Variants in APOH observed in about 807,000 individuals in gnomAD.
APOH encodes the protein apolipoprotein H.
A neutral mutation model predicts 39.8 loss-of-function variants in APOH; 48 were observed. That is an observed-to-expected ratio of 1.21 (90% CI 0.96 to 1.54). The LOEUF (loss-of-function observed/expected upper bound fraction) is 1.54. APOH is among the 40% of genes most tolerant of loss of function. APOH has a pLI of 0.00. For missense variants in APOH, 415 were observed against 421.2 expected (o/e 0.99, Z 0.13); for synonymous variants, 153 against 151.1 (o/e 1.01, Z -0.09).
At position 66,216,895 on chromosome 17, in the gene APOH, T is replaced by G. The variant is rs765421555; in HGVS notation, c.677A>C (p.Tyr226Ser). The change falls in exon 6 of 8, where the codon TAC (tyrosine) becomes TCC (serine). Residue 226 changes from tyrosine (Y) to serine (S), a missense_variant. Coordinates refer to ENST00000205948, the MANE Select transcript of APOH (RefSeq NM_000042.3). ...VNYPAKPTLY[Y>S]KDKATFGCHD... is the part of the protein sequence containing the mutation. Reference sequence around the variant, plus strand: ...GCAGCCAAATGTGGCTTTATCCTTGTAATAAAGTGTTGGTTTTGCAGGATA... The same window carrying G: ...GCAGCCAAATGTGGCTTTATCCTTGGAATAAAGTGTTGGTTTTGCAGGATA... 6.2e-7 allele frequency: 1 copy of G among 1,613,346 alleles called. No homozygotes were observed. The highest frequency in any genetic ancestry group is 8.5e-7 in the Non-Finnish European group (1 of 1,179,698).
At position 66,212,119 on chromosome 17, in the gene APOH, A is replaced by C. The variant is rs1362510568; in HGVS notation, c.*14T>G. The C allele has an allele frequency of 1.2e-6, 2 of 1,609,580 alleles. No individual in the cohort carries two copies. The highest frequency in any genetic ancestry group is 4.5e-5 in the East Asian group (2 of 44,836). On this transcript the variant is annotated 3_prime_UTR_variant, in exon 8 of 8. Transcript: ENST00000205948. ...AAACAAGTGTGACATTTTGTGTGGA[A>C]TCTGAAAACCACCTTAGCATGGCTT...
intron 5 of APOH, among the ~76,000 whole-genome samples, chr17:66,217,986 A>C (rs8178855): frequency 0.48 from 73,294 of 151,940 alleles, 19,666 homozygotes; most frequent in East Asian, 0.85. Flanking sequence ...ATACTAAAAA[A>C]TGGTGGATGG....
rs79228460 is a variant in APOH at position 66,220,752 on chromosome 17, T to G, written c.416-10A>C. ...GGAGGGCAGATGATGGCTGGGAAAA[T>G]AAAGAACTATCATTTCTATGAAAAT... On this transcript the variant is annotated splice_polypyrimidine_tract_variant and intron_variant, in intron 4 of 7. Transcript: ENST00000205948. 0.065 allele frequency: 103,510 copies of G among 1,590,738 alleles called. 3,610 individuals are homozygous for G. The highest frequency in any genetic ancestry group is 0.096 in the African/African-American group (7,137 of 74,034).
At position 66,226,132 on chromosome 17, in the gene APOH, A is replaced by G; in HGVS notation, c.242-8T>C. The G allele has an allele frequency of 6.3e-7, 1 of 1,591,798 alleles. No individual in the cohort carries two copies. Among genetic ancestry groups the G allele is most frequent in the Non-Finnish European group, 8.6e-7 (1 of 1,169,562 alleles). ...CAAAAGGACATACTCTGGCTGTGATACAAAGATAAAAAATGTTACTTTTCT... is the reference window on the plus strand; with the variant it reads ...CAAAAGGACATACTCTGGCTGTGATGCAAAGATAAAAAATGTTACTTTTCT... On this transcript the variant is annotated splice_polypyrimidine_tract_variant and splice_region_variant and intron_variant, in intron 2 of 7. Coordinates refer to ENST00000205948, the MANE Select transcript of APOH (RefSeq NM_000042.3).
intron 5 of APOH, among the ~76,000 whole-genome samples, chr17:66,218,930 A>C (rs1392600328): frequency 6.6e-6 from 1 of 152,114 alleles, no homozygotes; most frequent in Non-Finnish European, 1.5e-5. Flanking sequence ...GAATTGCTCA[A>C]ACCTGGGAGG....
At chr17:66,223,314 T>A (rs534122787) in intron 4 of APOH, among the ~76,000 whole-genome samples, 1 of 151,960 alleles carries the variant, frequency 6.6e-6, no homozygotes, top group East Asian at 2.0e-4. Context: ...GGGAGGAAGA[T>A]GTTTGTTTGA....
chr17:66,221,703 C>A (rs968020951), intron 4 of APOH, among the ~76,000 whole-genome samples: 1 of 152,122 alleles, frequency 6.6e-6, no homozygotes, highest in African/African-American at 2.4e-5. Flanking sequence ...TACCTCCCTG[C>A]TTTTGGATTC....
intron 4 of APOH, among the ~76,000 whole-genome samples, chr17:66,221,494 C>T (rs2073402759): frequency 6.6e-6 from 1 of 151,624 alleles, no homozygotes; most frequent in South Asian, 2.1e-4. Flanking sequence ...TTAAGTCTTG[C>T]CACTGCCTTT....
At chr17:66,222,820 C>T (rs1440045187) in intron 4 of APOH, among the ~76,000 whole-genome samples, 1 of 152,152 alleles carries the variant, frequency 6.6e-6, no homozygotes, top group African/African-American at 2.4e-5. Flanking sequence ...AGCCACCCTC[C>T]TCGGACTCCC....
intron 4 of APOH, among the ~76,000 whole-genome samples, chr17:66,221,981 T>C (rs2073405573): frequency 6.6e-6 from 1 of 152,172 alleles, no homozygotes; most frequent in South Asian, 2.1e-4. Flanking sequence ...TGAATCAGAA[T>C]CTACATTTTA....
Position 66,220,614 on chromosome 17 carries a change from C to G in APOH, c.544G>C (p.Gly182Arg), listed in dbSNP as rs371321855. ...FECLPQHAMFGNDTITCTTHG... is the reference protein window; with the variant it reads ...FECLPQHAMFRNDTITCTTHG... ...GTCGTGCAGGTAATTGTATCATTTC[C>G]AAACATCGCATGTTGTGGCAAACAT... is the stretch of plus-strand genomic sequence containing the variant. The change falls in exon 5 of 8, where the codon GGA becomes CGA. Residue 182 changes from glycine (G) to arginine (R), a missense_variant. By Grantham distance (125) the Gly-to-Arg change is moderately radical. Coordinates refer to ENST00000205948, the MANE Select transcript of APOH (RefSeq NM_000042.3). 6.2e-7 allele frequency: 1 copy of G among 1,613,986 alleles called. No individual in the cohort carries two copies. The highest frequency in any genetic ancestry group is 2.2e-5 in the East Asian group (1 of 44,898).
In APOH at chr17:66,229,405, C is replaced by T. The variant is rs759019005; in HGVS notation, c.-26G>A. ...TGTGGATGAGTCACACTGGCACTAC[C>T]AAAGTGGTTTTCGTCTGCTAAAAAG... On this transcript the variant is annotated 5_prime_UTR_variant, in exon 1 of 8. Coordinates refer to ENST00000205948, the MANE Select transcript of APOH (RefSeq NM_000042.3). 3 of 1,609,298 alleles carry T rather than the reference C, an allele frequency of 1.9e-6. No individual in the cohort carries two copies. Among genetic ancestry groups the T allele is most frequent in the Non-Finnish European group, 2.5e-6 (3 of 1,176,984 alleles).
intron 6 of APOH, 82 bp downstream of exon 6, chr17:66,216,706 G>A (rs2073367729): frequency 7.2e-7 from 1 of 1,387,054 alleles, no homozygotes; most frequent in Admixed American, 2.4e-5. Flanking sequence ...GTGGAAAAGT[G>A]TTGGAACAAG....
rs1286340183 is a variant in APOH at position 66,220,650 on chromosome 17, C to T, written c.508G>A (p.Ala170Thr). 2 of 1,614,110 alleles carry T rather than the reference C, an allele frequency of 1.2e-6. No homozygotes were observed. Among genetic ancestry groups the T allele is most frequent in the Non-Finnish European group, 1.7e-6 (2 of 1,180,022 alleles). The stretch of plus-strand genomic sequence containing the variant: ...TGTTGTGGCAAACATTCAAAAACTG[C>T]TGTGTCCCGATAGAGGGAATTGTTT... ...AGNNSLYRDT[A>T]VFECLPQHAM... Residue 170 changes from alanine (A) to threonine (T), a missense_variant, in exon 5 of 8, where the codon GCA becomes ACA. This residue lies in a region of APOH where 288 missense variants were observed against 284.9 expected (regional missense o/e 1.01). Transcript: ENST00000205948.
chr17:66,216,640 C>T (rs2146992025), intron 6 of APOH, 148 bp downstream of exon 6: 1 of 665,538 alleles, frequency 1.5e-6, no homozygotes, highest in South Asian at 2.4e-5. Context: ...CTTCCCCATG[C>T]ACCTGTGAGT....
chr17:66,212,033 T>C lies in APOH; in HGVS notation c.*100A>G. On this transcript the variant is annotated 3_prime_UTR_variant, in exon 8 of 8. Transcript: ENST00000205948. ...ACCATGAAGCTAACACTGCAATGGG[T>C]GCGGCAATAAATTCAGTAGCTTTAT... The C allele has an allele frequency of 1.0e-6, 1 of 980,324 alleles. No homozygotes were observed. The highest frequency in any genetic ancestry group is 1.6e-6 in the Non-Finnish European group (1 of 620,456). The allele number at this position is 980,324 out of a possible 1,614,324, so 60.7% of individuals were successfully genotyped here.
rs1159687721 is a variant in APOH, at chr17:66,214,571, AT to A, written c.863del (p.Asn288MetfsTer29). 4 of 1,614,078 alleles carry A rather than the reference AT, an allele frequency of 2.5e-6. No homozygotes were observed. In the South Asian group the frequency reaches 4.4e-5, roughly 18 times the overall value. The stretch of plus-strand genomic sequence containing the variant: ...AAACTTTATCACCATGTAGCATTCC[AT>A]TCTTAAATTTTTCCTGAATCTTTAC... Reference protein sequence around the residue: ...ERVKIQEKFKNGMLHGDKVSF... With the variant: ...ERVKIQEKFKXGMLHGDKVSF... On this transcript the variant is annotated frameshift_variant, in exon 7 of 8. Transcript: ENST00000205948. LOFTEE classifies it high-confidence loss of function.
chr17:66,228,081 C>G lies in APOH; in HGVS notation c.180G>C (p.Gly60=), dbSNP rs757929741. ...SCKPGYVSRG[G]MRKFICPLTG... ...TGAGAGGGCAGATAAACTTTCTCATCCCTCCTCGGGACACATAGCCCGGCT... is the reference window on the plus strand; with the variant it reads ...TGAGAGGGCAGATAAACTTTCTCATGCCTCCTCGGGACACATAGCCCGGCT... The change falls in exon 2 of 8, where the codon GGG becomes GGC. Residue 60 remains glycine, a synonymous_variant. Coordinates refer to ENST00000205948, the MANE Select transcript of APOH (RefSeq NM_000042.3). 7.4e-6 allele frequency: 12 copies of G among 1,614,094 alleles called. No homozygotes were observed. The South Asian group carries it at 1.1e-4, about 15-fold the overall frequency.
intron 6 of APOH, 64 bp from the exon 7 acceptor site, chr17:66,214,714 T>G (rs1476283905): frequency 9.7e-6 from 14 of 1,441,980 alleles, no homozygotes; most frequent in African/African-American, 1.4e-5. Flanking sequence ...AAAGAGAGTA[T>G]AGCATTTGAA....
Sources: allele counts gnomAD v4.1 joint callset (sites outside exome capture counted in the v4.1 genomes callset), GRCh38; gene constraint gnomAD v4.1.1; regional missense constraint gnomAD v4.1.1; transcripts MANE v1.5; gene names NCBI Gene and HGNC (gene_info 2026-07-23, HGNC 2026-07-21).